Variants in TCF12 observed in about 807,000 individuals in gnomAD.
TCF12 encodes the protein transcription factor 12, also known as DNA-binding protein HTF4.
In TCF12, 45 loss-of-function variants were observed where a neutral mutation model predicts 86.0. That is an observed-to-expected ratio of 0.52 (90% CI 0.41 to 0.67). The LOEUF is 0.67. Among genes scored for constraint, TCF12 ranks in the 30% least tolerant of loss-of-function variants. The pLI is 0.00. For synonymous variants in TCF12, 330 were observed against 299.6 expected (o/e 1.10, Z -1.05); for missense variants, 881 against 859.9 (o/e 1.02, Z -0.31).
intron 3 of TCF12, among the ~76,000 whole-genome samples, chr15:56,977,786 C>T (rs1224977166): frequency 1.3e-5 from 2 of 152,086 alleles, no homozygotes; most frequent in Admixed American, 1.3e-4. Context: ...CTTATGTATA[C>T]TGATGTTAGG....
At chr15:57,280,114 T>C (rs868416465) in intron 19 of TCF12, among the ~76,000 whole-genome samples, 1 of 152,038 alleles carries the variant, frequency 6.6e-6, no homozygotes, top group Non-Finnish European at 1.5e-5. Context: ...AGTCTCAAAC[T>C]CTTGACCTCA....
At chr15:57,252,562 T>C in intron 15 of TCF12, 70 bp downstream of exon 15, 4 of 1,350,302 alleles carry the variant, frequency 3.0e-6, no homozygotes, top group Non-Finnish European at 3.2e-6. Context: ...TCATTTAAAA[T>C]CTTTAAGCTG....
rs561575248 is a variant in TCF12 at position 57,283,912 on chromosome 15, G to A, written c.*11+1314G>A. On this transcript the variant is annotated intron_variant, in intron 20 of 20. Transcript: ENST00000333725. ...AGACCACAAAGAAGATTTCATTTAGGGTAAAAGAAAAGAAGAGTTAAGGCA... is the reference window on the plus strand; with the variant it reads ...AGACCACAAAGAAGATTTCATTTAGAGTAAAAGAAAAGAAGAGTTAAGGCA... 2.6e-5 allele frequency among the ~76,000 whole-genome samples: 4 copies of A among 152,188 alleles called. No homozygotes were observed. In the South Asian group the frequency reaches 8.3e-4, roughly 32 times the overall value.
chr15:57,183,223 T>A (rs986244017), intron 6 of TCF12, among the ~76,000 whole-genome samples: 1 of 152,192 alleles, frequency 6.6e-6, no homozygotes, highest in African/African-American at 2.4e-5. Context: ...TCAAGAGTCA[T>A]CAGTTAACAT....
intron 3 of TCF12, among the ~76,000 whole-genome samples, chr15:56,991,801 T>TA (rs1826742495): frequency 6.6e-6 from 1 of 152,156 alleles, no homozygotes; most frequent in African/African-American, 2.4e-5. Flanking sequence ...CCCTTTTTTT[T>TA]ATTTAGGGAA....
chr15:57,161,996 C>T (rs1256679248), intron 5 of TCF12, among the ~76,000 whole-genome samples: 1 of 152,098 alleles, frequency 6.6e-6, no homozygotes, highest in Non-Finnish European at 1.5e-5. Flanking sequence ...TCTGAGAAGT[C>T]CGCCCAAGAG....
intron 20 of TCF12, among the ~76,000 whole-genome samples, chr15:57,284,024 C>CT (rs1316845536): frequency 2.6e-5 from 4 of 152,306 alleles, no homozygotes; most frequent in African/African-American, 9.6e-5. Flanking sequence ...ATCCAGCAAT[C>CT]TAACAGATTG....
intron 8 of TCF12, among the ~76,000 whole-genome samples, chr15:57,217,859 G>GT (rs1245895248): frequency 6.6e-6 from 1 of 152,102 alleles, no homozygotes; most frequent in Non-Finnish European, 1.5e-5. Flanking sequence ...TTTTTACACA[G>GT]TTCTCCAAGG....
chr15:57,166,389 C>G lies in TCF12; in HGVS notation c.326-13C>G, dbSNP rs375837166. On this transcript the variant is annotated splice_polypyrimidine_tract_variant and intron_variant, in intron 5 of 20. Transcript: ENST00000333725. ...GAAGGGTTTTATATAAAGTTAATTT[C>G]TTTGTTTTATAGGAAAAACATCAGA... 55 of 1,607,050 alleles carry G rather than the reference C, an allele frequency of 3.4e-5. No individual in the cohort carries two copies. The Middle Eastern group carries it at 1.6e-3, about 48-fold the overall frequency.
intron 3 of TCF12, among the ~76,000 whole-genome samples, chr15:57,045,840 C>T (rs776805003): frequency 6.9e-6 from 1 of 145,472 alleles, no homozygotes; most frequent in Non-Finnish European, 1.5e-5. Flanking sequence ...GCCACTGTGC[C>T]TAGCCATGTG....
chr15:57,022,675 C>G (rs1301138738), intron 3 of TCF12, among the ~76,000 whole-genome samples: 1 of 152,180 alleles, frequency 6.6e-6, no homozygotes, highest in Non-Finnish European at 1.5e-5. Flanking sequence ...CTAATTTACA[C>G]TCCCACCAAC....
chr15:57,222,743 A>G (rs1041339509), intron 8 of TCF12, among the ~76,000 whole-genome samples: 79 of 138,512 alleles, frequency 5.7e-4, no homozygotes, highest in African/African-American at 1.8e-3. Flanking sequence ...GTTTTGGGGG[A>G]AAAAAAGGAC....
At chr15:57,170,635 TATATATA>T (rs2055252850) in intron 6 of TCF12, among the ~76,000 whole-genome samples, 1 of 31,612 alleles carries the variant, frequency 3.2e-5, no homozygotes, top group Non-Finnish European at 4.3e-5. Context: ...ATTTTATATA[TATATATA>T]ATATATATAT....
chr15:57,054,654 A>G (rs2067864111), intron 3 of TCF12, among the ~76,000 whole-genome samples: 1 of 151,304 alleles, frequency 6.6e-6, no homozygotes, highest in Non-Finnish European at 1.5e-5. Context: ...ATTTAGGTCT[A>G]CTAATTTGTT....
In TCF12 at chr15:57,035,427, C is replaced by G. The variant is rs545183688; in HGVS notation, c.149-28323C>G. Among the ~76,000 whole-genome samples the G allele has an allele frequency of 9.1e-4, 139 of 152,244 alleles. 1 individual carries two copies. Among genetic ancestry groups the G allele is most frequent in the Middle Eastern group, 3.4e-3 (1 of 294 alleles). ...TACAGGTATGCACCACCATGCCTGG[C>G]TAATTTTTTAAAATTTTTTTGTAGA... On this transcript the variant is annotated intron_variant, in intron 3 of 20. Transcript: ENST00000333725.
intron 13 of TCF12, chr15:57,248,212 A>G: frequency 1.6e-6 from 1 of 644,592 alleles, no homozygotes; most frequent in Non-Finnish European, 2.8e-6. Context: ...AGTTGCTTGC[A>G]AGAGAAATGG....
intron 6 of TCF12, among the ~76,000 whole-genome samples, chr15:57,177,638 G>GAGAGAGAGAGAGAGAGAGAGAGAGAGAGA (rs2056039089): frequency 6.6e-6 from 1 of 151,108 alleles, no homozygotes; most frequent in Non-Finnish European, 1.5e-5. Flanking sequence ...GAGAGAGAGA[G>GAGAGAGAGAGAGAGAGAGAGAGAGAGAGA]TTGGATTAGG....
chr15:57,117,552 C>T (rs1322743568), intron 5 of TCF12, among the ~76,000 whole-genome samples: 5 of 152,142 alleles, frequency 3.3e-5, no homozygotes, highest in African/African-American at 1.2e-4. Context: ...GGTTCAAATT[C>T]TGGCTCTTGT....
intron 3 of TCF12, among the ~76,000 whole-genome samples, chr15:56,963,600 A>G (rs1304138012): frequency 6.6e-6 from 1 of 152,042 alleles, no homozygotes; most frequent in African/African-American, 2.4e-5. Flanking sequence ...ATTAAGTTTG[A>G]TTTGGACTCA....
Sources: gnomAD v4.1 joint callset for allele counts (sites outside exome capture counted in the v4.1 genomes callset) on GRCh38, gnomAD v4.1.1 for gene constraint, MANE v1.5 for transcripts, NCBI Gene and HGNC (gene_info 2026-07-23, HGNC 2026-07-21) for gene names.